The following FAM120AOS variants were observed in gnomAD, a reference collection of about 807,000 sequenced individuals.
FAM120AOS encodes uncharacterized protein FAM120AOS.
Under a neutral mutation model 20.2 loss-of-function variants are expected in FAM120AOS, and 15 were observed. That is an observed-to-expected ratio of 0.74 (90% CI 0.50 to 1.15). FAM120AOS has a LOEUF of 1.15. FAM120AOS is among the 50% of genes most tolerant of loss of function. The pLI is 0.00. For synonymous variants in FAM120AOS, 154 were observed against 154.0 expected (o/e 1.00, Z 0.00); for missense variants, 327 against 351.9 (o/e 0.93, Z 0.57).
At position 93,447,522 on chromosome 9, in the gene FAM120AOS, A is replaced by G; in HGVS notation, c.*89T>C. On this transcript the variant is annotated 3_prime_UTR_variant, in exon 3 of 3. Transcript: ENST00000375412. Reference sequence around the variant, plus strand: ...TGAAACCAGAAGCAGAAGCTGAGGAATGGTGAATAGAGCATTTTCCCTCAC... The same window carrying G: ...TGAAACCAGAAGCAGAAGCTGAGGAGTGGTGAATAGAGCATTTTCCCTCAC... The G allele has an allele frequency of 8.7e-7, 1 of 1,145,398 alleles. No homozygotes were observed. Among genetic ancestry groups the G allele is most frequent in the African/African-American group, 1.5e-5 (1 of 64,996 alleles). The allele number at this position is 1,145,398 out of a possible 1,614,324, so 71.0% of individuals were successfully genotyped here. A position where few individuals can be genotyped will look rare whatever the true frequency, so the allele number is the denominator to read the frequency against.
chr9:93,451,681 C>T (rs1045383891), intron 1 of FAM120AOS: 8 of 982,876 alleles, frequency 8.1e-6, no homozygotes, highest in Non-Finnish European at 9.6e-6. Context: ...GCCTCGGCCT[C>T]GGCCTCGGCC....
In FAM120AOS at chr9:93,452,934, G is replaced by C; in HGVS notation, c.-225C>G. ...CGGTGACAGCGAGACGTGTCTAAGG[G>C]CCAGTGCCCTGGCCTCTACTTCAGA... On this transcript the variant is annotated 5_prime_UTR_variant, in exon 1 of 3. Coordinates refer to ENST00000375412, the MANE Select transcript of FAM120AOS (RefSeq NM_198841.4). This position sits in a 1 kb window ranked among gnomAD's most constrained non-coding sequence, Gnocchi z 7.0. 3 of 1,413,732 alleles carry C rather than the reference G, an allele frequency of 2.1e-6. No homozygotes were observed. Among genetic ancestry groups the C allele is most frequent in the Non-Finnish European group, 2.8e-6 (3 of 1,090,080 alleles). 87.6% of individuals were successfully genotyped at this position (1,413,732 alleles called of 1,614,324 possible). A position where few individuals can be genotyped will look rare whatever the true frequency, so the allele number is the denominator to read the frequency against.
At position 93,443,381 on chromosome 9, in the gene FAM120AOS, G is replaced by T. The variant is rs1438720266; in HGVS notation, c.*4230C>A. Among the ~76,000 whole-genome samples, 1 of 152,032 alleles carries T rather than the reference G, an allele frequency of 6.6e-6. No homozygotes were observed. The highest frequency in any genetic ancestry group is 1.5e-5 in the Non-Finnish European group (1 of 68,002). On this transcript the variant is annotated 3_prime_UTR_variant, in exon 3 of 3. Coordinates refer to ENST00000375412, the MANE Select transcript of FAM120AOS (RefSeq NM_198841.4). The stretch of plus-strand genomic sequence containing the variant: ...TCCTTATACATTTCTAACAGTACAA[G>T]ATTATCAATGTTTTGACAATTTTCA...
At chr9:93,450,281 A>G (rs1857069144) in intron 2 of FAM120AOS, among the ~76,000 whole-genome samples, 198 bp downstream of exon 2, 1 of 152,146 alleles carries the variant, frequency 6.6e-6, no homozygotes, top group Admixed American at 6.5e-5. Context: ...GAGCCACCGC[A>G]CCTGGCCTGT....
At chr9:93,450,240 C>G (rs746805066) in intron 2 of FAM120AOS, among the ~76,000 whole-genome samples, 3 of 152,168 alleles carry the variant, frequency 2.0e-5, no homozygotes, top group Non-Finnish European at 4.4e-5. Flanking sequence ...TCACCCGCCT[C>G]GGCCTCCCAA....
At chr9:93,447,792 G>GAGCTCTCC in intron 2 of FAM120AOS, 95 bp from the exon 3 acceptor site, 1 of 1,088,726 alleles carries the variant, frequency 9.2e-7, no homozygotes, top group Admixed American at 2.0e-5. Flanking sequence ...GATCTCTGTG[G>GAGCTCTCC]AGCTCTCCTA....
At chr9:93,451,085 C>A in intron 1 of FAM120AOS, 1 of 1,550,636 alleles carries the variant, frequency 6.4e-7, no homozygotes, top group Non-Finnish European at 8.7e-7. Flanking sequence ...CTGGGATGAG[C>A]ACCTGCCGCG....
rs754059684 is a variant in FAM120AOS, at chr9:93,452,330, C to T, written c.380G>A (p.Arg127Lys). 6.2e-7 allele frequency: 1 copy of T among 1,612,994 alleles called. No homozygotes were observed. The highest frequency in any genetic ancestry group is 1.7e-4 in the Middle Eastern group (1 of 6,052). Reference protein sequence around the residue: ...RMQWAMQTGGRNQTFGGGVPL... With the variant: ...RMQWAMQTGGKNQTFGGGVPL... ...CACCCCGCCGCCAAAGGTCTGGTTC[C>T]TGCCGCCCGTCTGCATGGCCCACTG... Residue 127 changes from arginine to lysine, a missense_variant, in exon 1 of 3, where the codon AGG becomes AAG. Arg to Lys is a conservative substitution (Grantham distance 26). Around this residue, in one of 3 missense-constraint regions of FAM120AOS, gnomAD observed 86 missense variants for 140.2 expected, o/e 0.61. Coordinates refer to ENST00000375412, the MANE Select transcript of FAM120AOS (RefSeq NM_198841.4). This position sits in a 1 kb window ranked among gnomAD's most constrained non-coding sequence, Gnocchi z 7.0.
chr9:93,450,563 A>G lies in FAM120AOS; in HGVS notation c.600T>C (p.Ala200=). 6.2e-7 allele frequency: 1 copy of G among 1,607,422 alleles called. No individual in the cohort carries two copies. Among genetic ancestry groups the G allele is most frequent in the Non-Finnish European group, 8.5e-7 (1 of 1,176,440 alleles). Residue 200 remains alanine, a synonymous_variant, in exon 2 of 3, where the codon GCT becomes GCC. Transcript: ENST00000375412. ...LCRGAGCNRQ[A]VAGQLLPSTW... ...TGCTGGGCAGCAGCTGTCCGGCCACAGCCTGTCGGTTGCATCCTGCTCCTC... is the reference window on the plus strand; with the variant it reads ...TGCTGGGCAGCAGCTGTCCGGCCACGGCCTGTCGGTTGCATCCTGCTCCTC...
In FAM120AOS at chr9:93,446,601, T is replaced by C. The variant is rs1171493540; in HGVS notation, c.*1010A>G. ...AACTTTTAGCCCTTAAGAGAGAATA[T>C]ATATACTCAACTGAGTACTGTCTTT... On this transcript the variant is annotated 3_prime_UTR_variant, in exon 3 of 3. Coordinates refer to ENST00000375412, the MANE Select transcript of FAM120AOS (RefSeq NM_198841.4). 1 of 152,142 alleles carries C rather than the reference T, an allele frequency of 6.6e-6. No individual in the cohort carries two copies. Among genetic ancestry groups the C allele is most frequent in the African/African-American group, 2.4e-5 (1 of 41,416 alleles). 9.4% of individuals were successfully genotyped at this position (152,142 alleles called of 1,614,324 possible).
chr9:93,447,316 T>C lies in FAM120AOS; in HGVS notation c.*295A>G, dbSNP rs1009782392. On this transcript the variant is annotated 3_prime_UTR_variant, in exon 3 of 3. Coordinates refer to ENST00000375412, the MANE Select transcript of FAM120AOS (RefSeq NM_198841.4). ...GTTTTCTTCATCTCCATATCCCCAG[T>C]AGCTGGCCAATGCCCAGTATACACC... 9.9e-6 allele frequency: 3 copies of C among 304,360 alleles called. No homozygotes were observed. Among genetic ancestry groups the C allele is most frequent in the Non-Finnish European group, 1.2e-5 (2 of 162,350 alleles). The allele number at this position is 304,360 out of a possible 1,614,324, so 18.9% of individuals were successfully genotyped here. A position where few individuals can be genotyped will look rare whatever the true frequency, so the allele number is the denominator to read the frequency against.
At chr9:93,451,416 G>A (rs1857181241) in intron 1 of FAM120AOS, 20 of 1,334,298 alleles carry the variant, frequency 1.5e-5, no homozygotes, top group Non-Finnish European at 1.8e-5. Flanking sequence ...CGCAGGGGAG[G>A]GGAGCGGCGG....
At chr9:93,451,504 G>A in intron 1 of FAM120AOS, 2 of 1,015,566 alleles carry the variant, frequency 2.0e-6, no homozygotes, top group Non-Finnish European at 2.4e-6. Context: ...CCCGGATCCC[G>A]TCCCGGCCCA....
At chr9:93,451,515 A>C in intron 1 of FAM120AOS, 1 of 999,908 alleles carries the variant, frequency 1.0e-6, no homozygotes, top group Non-Finnish European at 1.2e-6. Context: ...TCCCGGCCCA[A>C]CTCCGGGCCT....
chr9:93,451,692 T>A (rs1857214848), intron 1 of FAM120AOS: 1 of 966,812 alleles, frequency 1.0e-6, no homozygotes, highest in South Asian at 4.7e-5. Flanking sequence ...GGCCTCGGCC[T>A]CGCAGCGGCG....
chr9:93,450,204 G>C (rs1564293621), intron 2 of FAM120AOS, among the ~76,000 whole-genome samples: 1 of 151,606 alleles, frequency 6.6e-6, no homozygotes, highest in Non-Finnish European at 1.5e-5. Context: ...GGCCAGGCTG[G>C]TCTCGAACTC....
rs1231510889 is a variant in FAM120AOS at position 93,446,265 on chromosome 9, T to A, written c.*1346A>T. Among the ~76,000 whole-genome samples the A allele has an allele frequency of 2.0e-5, 3 of 152,196 alleles. No individual in the cohort carries two copies. Reference sequence around the variant, plus strand: ...GGGTGATTGTGTGCTCCCACCTATATCTGAGGTCCTAGACTCCTCAGAGGA... The same window carrying A: ...GGGTGATTGTGTGCTCCCACCTATAACTGAGGTCCTAGACTCCTCAGAGGA... On this transcript the variant is annotated 3_prime_UTR_variant, in exon 3 of 3. Transcript: ENST00000375412.
rs1048912062 is a variant in FAM120AOS at position 93,445,170 on chromosome 9, C to G, written c.*2441G>C. On this transcript the variant is annotated 3_prime_UTR_variant, in exon 3 of 3. Transcript: ENST00000375412. ...TCTTCTAGGACAGGGTACAGTAAGT[C>G]TTACCAAACATGTAAGACATGTTAT... Among the ~76,000 whole-genome samples the G allele has an allele frequency of 2.0e-5, 3 of 152,048 alleles. No individual in the cohort carries two copies. Among genetic ancestry groups the G allele is most frequent in the Admixed American group, 2.0e-4 (3 of 15,254 alleles).
At chr9:93,449,761 C>T (rs544309626) in intron 2 of FAM120AOS, among the ~76,000 whole-genome samples, 1 of 152,192 alleles carries the variant, frequency 6.6e-6, no homozygotes, top group African/African-American at 2.4e-5. Context: ...GCTGGGATTA[C>T]AGGCGTGAGC....
Sources: allele counts gnomAD v4.1 joint callset (sites outside exome capture counted in the v4.1 genomes callset), GRCh38; gene constraint gnomAD v4.1.1; regional missense constraint gnomAD v4.1.1; non-coding constraint Gnocchi (gnomAD v3.1); transcripts MANE v1.5; gene names NCBI Gene and HGNC (gene_info 2026-07-23, HGNC 2026-07-21).